Variants in ARMC3 observed in about 807,000 individuals in gnomAD.
ARMC3 encodes armadillo repeat-containing protein 3.
A neutral mutation model predicts 90.3 loss-of-function variants in ARMC3; 74 were observed. The observed-to-expected ratio is 0.82, with a 90% CI of 0.68 to 0.99. The LOEUF is 0.99. ARMC3 is among the 50% of genes least tolerant of loss of function. ARMC3 has a pLI of 0.00. For missense variants in ARMC3, 958 were observed against 1,042.8 expected, an observed-to-expected ratio of 0.92 and a Z score of 1.12; for synonymous variants, 334 against 361.8, an observed-to-expected ratio of 0.92 and a Z score of 0.87.
intron 7 of ARMC3, among the ~76,000 whole-genome samples, chr10:22,964,089 A>G (rs1835344035): frequency 6.6e-6 from 1 of 152,162 alleles, no homozygotes; most frequent in Non-Finnish European, 1.5e-5. Context: ...ATGAAAGTTC[A>G]ATACATAAAA....
At position 23,037,386 on chromosome 10, in the gene ARMC3, C is replaced by T. The variant is rs554700718; in HGVS notation, c.2526C>T (p.Pro842=). The T allele has an allele frequency of 1.7e-5, 28 of 1,613,948 alleles. No homozygotes were observed. The highest frequency in any genetic ancestry group is 5.3e-5 in the African/African-American group (4 of 75,012). The change falls in exon 19 of 19, where the codon CCC becomes CCT. Residue 842 remains proline (P), a synonymous_variant. Transcript: ENST00000298032. ...GGAAGGGAGTGATTGGGGGCCTCCC[C>T]GCTCCTGAGATGTACGTGATTGACC... ...DSRKGVIGGL[P]APEMYVIDLM... is the part of the protein sequence containing the mutation.
intron 6 of ARMC3, 73 bp downstream of exon 6, chr10:22,959,647 A>G: frequency 3.5e-6 from 5 of 1,431,622 alleles, no homozygotes; most frequent in Non-Finnish European, 4.7e-6. Flanking sequence ...AAAATAGAAA[A>G]AAGCTTTTAA....
chr10:22,987,901 T>G lies in ARMC3; in HGVS notation c.1175+6201T>G, dbSNP rs115818251. Reference sequence around the variant, plus strand: ...ATTAATTGATTGATTACTGGCCCATTGCCAGCTTCTACAATACCAGAGACA... The same window carrying G: ...ATTAATTGATTGATTACTGGCCCATGGCCAGCTTCTACAATACCAGAGACA... On this transcript the variant is annotated intron_variant, in intron 10 of 18. Transcript: ENST00000298032. Among the ~76,000 whole-genome samples, 927 of 152,350 alleles carry G rather than the reference T, an allele frequency of 6.1e-3. 5 individuals are homozygous for G. The highest frequency in any genetic ancestry group is 0.021 in the African/African-American group (891 of 41,578).
chr10:22,960,605 C>A (rs1835148469), intron 6 of ARMC3: 1 of 152,134 alleles, frequency 6.6e-6, no homozygotes, highest in Non-Finnish European at 1.5e-5. Flanking sequence ...CCCAAGACTC[C>A]TTAGAGCAGT....
At chr10:23,019,186 G>A (rs900429586) in intron 16 of ARMC3, among the ~76,000 whole-genome samples, 2 of 152,220 alleles carry the variant, frequency 1.3e-5, no homozygotes, top group African/African-American at 4.8e-5. Flanking sequence ...TCAAGTTTGT[G>A]TCAAGCTGTT....
chr10:23,032,125 T>C (rs11013264), intron 17 of ARMC3, among the ~76,000 whole-genome samples: 14,784 of 152,166 alleles, frequency 0.097, 898 homozygotes, highest in African/African-American at 0.17. Context: ...ATTGCAATTC[T>C]GCCTTTACTC....
In ARMC3 at chr10:22,998,381, T is replaced by C. The variant is rs562344470; in HGVS notation, c.1409T>C (p.Val470Ala). ...GCTGTCACCGCAACTGCGTGTGACG[T>C]TGAAGCCCGGACTGAGGTGAGAATT... ...ALAVTATACD[V>A]EARTELRNSG... is the part of the protein sequence containing the mutation. Residue 470 changes from valine to alanine, a missense_variant, in exon 11 of 19, where the codon GTT becomes GCT. Val to Ala is a moderately conservative substitution (Grantham distance 64). Coordinates refer to ENST00000298032, the MANE Select transcript of ARMC3 (RefSeq NM_173081.5). 78 of 1,614,038 alleles carry C rather than the reference T, an allele frequency of 4.8e-5. No homozygotes were observed. The highest frequency in any genetic ancestry group is 6.2e-5 in the Non-Finnish European group (73 of 1,180,044).
At chr10:22,945,614 G>C (rs1834495255) in intron 2 of ARMC3, among the ~76,000 whole-genome samples, 1 of 151,882 alleles carries the variant, frequency 6.6e-6, no homozygotes, top group Non-Finnish European at 1.5e-5. Flanking sequence ...TGCTTTTCTA[G>C]AGTCTAGTGG....
At chr10:23,017,121 C>G (rs1179470688) in intron 16 of ARMC3, among the ~76,000 whole-genome samples, 1 of 151,454 alleles carries the variant, frequency 6.6e-6, no homozygotes, top group African/African-American at 2.4e-5. Context: ...GATGATCTCT[C>G]TGGGAAATAC....
rs553944945 is a variant in ARMC3, at chr10:23,012,889, CT to C, written c.2045+3976del. On this transcript the variant is annotated intron_variant, in intron 16 of 18. Transcript: ENST00000298032. ...TGCCCCCAGAGGTGCTAGCCCCCAC[CT>C]TTTTTTTTTTTTTTTTTGAGACAGA... is the stretch of plus-strand genomic sequence containing the variant. Among the ~76,000 whole-genome samples, 322 of 134,422 alleles carry C rather than the reference CT, an allele frequency of 2.4e-3. 6 individuals are homozygous for C. The highest frequency in any genetic ancestry group is 4.4e-3 in the African/African-American group (147 of 33,734). The allele number at this position is 134,422 out of a possible 152,430, so 88.2% of individuals were successfully genotyped here.
At chr10:22,968,607 T>C in intron 8 of ARMC3, 118 bp downstream of exon 8, 1 of 875,460 alleles carries the variant, frequency 1.1e-6, no homozygotes, top group Non-Finnish European at 1.6e-6. Context: ...TTACAAGTGA[T>C]TCTCCCACCT....
chr10:23,019,781 G>T (rs1310771690), intron 16 of ARMC3, among the ~76,000 whole-genome samples: 1 of 152,152 alleles, frequency 6.6e-6, no homozygotes, highest in African/African-American at 2.4e-5. Flanking sequence ...CTGAGCTCAA[G>T]CAATTCGCCT....
chr10:22,955,777 T>C (rs369944581), intron 3 of ARMC3, 30 bp from the exon 4 acceptor site: 80 of 1,612,100 alleles, frequency 5.0e-5, no homozygotes, highest in Non-Finnish European at 6.1e-5. Flanking sequence ...ATAATATCCA[T>C]GTGTGGTTTT....
chr10:22,969,316 T>C (rs1405658541), intron 8 of ARMC3, among the ~76,000 whole-genome samples: 2 of 152,196 alleles, frequency 1.3e-5, no homozygotes, highest in African/African-American at 4.8e-5. Flanking sequence ...AATTTATGTA[T>C]ATTTGGAGTC....
intron 2 of ARMC3, among the ~76,000 whole-genome samples, chr10:22,940,419 A>T (rs1016609560): frequency 2.6e-5 from 4 of 152,282 alleles, no homozygotes; most frequent in Admixed American, 2.6e-4. Flanking sequence ...AGATAAAAGT[A>T]CTATGTTGGA....
chr10:23,035,852 C>A (rs1839106516), intron 18 of ARMC3, among the ~76,000 whole-genome samples: 1 of 152,130 alleles, frequency 6.6e-6, no homozygotes. Flanking sequence ...CTTTGCCAAG[C>A]CCTTCCATCT....
intron 2 of ARMC3, among the ~76,000 whole-genome samples, chr10:22,936,095 C>G (rs1301525114): frequency 6.6e-6 from 1 of 151,908 alleles, no homozygotes; most frequent in Admixed American, 6.6e-5. Flanking sequence ...TTTTTTTAGA[C>G]CTGTGCTAAT....
chr10:23,003,909 A>G (rs1253032498), intron 13 of ARMC3, among the ~76,000 whole-genome samples: 2 of 152,168 alleles, frequency 1.3e-5, no homozygotes, highest in African/African-American at 2.4e-5. Flanking sequence ...GAACTTTGGG[A>G]GTCTGAGGTA....
intron 7 of ARMC3, among the ~76,000 whole-genome samples, chr10:22,964,585 C>T (rs936664347): frequency 2.0e-5 from 3 of 151,776 alleles, no homozygotes; most frequent in African/African-American, 7.3e-5. Flanking sequence ...ATTACAGGCA[C>T]GTGCCACCAC....
Sources: gnomAD v4.1 joint callset for allele counts (sites outside exome capture counted in the v4.1 genomes callset) on GRCh38, gnomAD v4.1.1 for gene constraint, MANE v1.5 for transcripts, NCBI Gene and HGNC (gene_info 2026-07-23, HGNC 2026-07-21) for gene names.